LDAH: variants seen among roughly 807,000 people sequenced by gnomAD.
The protein encoded by LDAH is lipid droplet associated hydrolase.
A neutral mutation model predicts 29.6 loss-of-function variants in LDAH; 26 were observed. The observed-to-expected ratio is 0.88, with a 90% confidence interval of 0.64 to 1.22. The LOEUF is 1.22. Among genes scored for constraint, LDAH ranks in the 50% most tolerant of loss-of-function variants. The pLI is 0.00. For missense variants in LDAH, 344 were observed against 387.3 expected (o/e 0.89, Z 0.94); for synonymous variants, 117 against 133.0 (o/e 0.88, Z 0.83).
At chr2:20,765,193 G>C (rs1309236120) in intron 4 of LDAH, among the ~76,000 whole-genome samples, 1 of 152,172 alleles carries the variant, frequency 6.6e-6, no homozygotes, top group Non-Finnish European at 1.5e-5. Flanking sequence ...GTTCCTATTT[G>C]TCTTTCATTT....
intron 5 of LDAH, among the ~76,000 whole-genome samples, chr2:20,719,224 GT>G (rs61437825): frequency 0.018 from 2,310 of 130,506 alleles, 54 homozygotes; most frequent in African/African-American, 0.057. Flanking sequence ...AAATGAAAAA[GT>G]TTTTTTTTTT....
chr2:20,765,052 T>C (rs773545886), intron 4 of LDAH, among the ~76,000 whole-genome samples: 1 of 152,210 alleles, frequency 6.6e-6, no homozygotes, highest in Non-Finnish European at 1.5e-5. Context: ...ATGTAATATA[T>C]GTTCCCCCTA....
At chr2:20,819,021 G>C (rs529082373) in intron 1 of LDAH, among the ~76,000 whole-genome samples, 6 of 152,242 alleles carry the variant, frequency 3.9e-5, no homozygotes, top group African/African-American at 1.4e-4. Context: ...TCTTAAATCT[G>C]TGCAAGTGGG....
intron 6 of LDAH, among the ~76,000 whole-genome samples, chr2:20,687,746 T>C (rs1206564910): frequency 6.6e-6 from 1 of 152,230 alleles, no homozygotes; most frequent in Non-Finnish European, 1.5e-5. Context: ...AATGGATATC[T>C]ACCTAAACCT....
Position 20,740,076 on chromosome 2 carries a change from GT to G in LDAH, c.597del (p.Lys199AsnfsTer11). On this transcript the variant is annotated frameshift_variant, in exon 5 of 7. Coordinates refer to ENST00000237822, the MANE Select transcript of LDAH (RefSeq NM_021925.4). LOFTEE classifies it high-confidence loss of function. ...VLYVTGYLLLKPCPETIKSLL... is the reference protein window; with the variant it reads ...VLYVTGYLLLXPCPETIKSLL... ...AAGGACTTGATTGTCTCAGGACACG[GT>G]TTCAATAATAAGTAGCCAGTAACAT... 6.2e-7 allele frequency: 1 copy of G among 1,614,088 alleles called. No individual in the cohort carries two copies. The highest frequency in any genetic ancestry group is 1.3e-5 in the African/African-American group (1 of 75,042).
downstream of LDAH, among the ~76,000 whole-genome samples, chr2:20,682,955 A>T (rs114499240): frequency 8.2e-3 from 1,248 of 152,306 alleles, 12 homozygotes; most frequent in African/African-American, 0.028. Flanking sequence ...CCTTATCTGG[A>T]TTAGCTCTCA....
intron 4 of LDAH, among the ~76,000 whole-genome samples, chr2:20,763,027 A>C (rs1193819338): frequency 6.6e-6 from 1 of 152,238 alleles, no homozygotes; most frequent in African/African-American, 2.4e-5. Flanking sequence ...CTTAGAACTT[A>C]AAAGATTCCA....
chr2:20,761,506 G>A (rs769508606), intron 4 of LDAH, among the ~76,000 whole-genome samples: 10 of 152,180 alleles, frequency 6.6e-5, no homozygotes, highest in Non-Finnish European at 1.0e-4. Flanking sequence ...TTTTCATGCA[G>A]GAAGTGACAT....
At chr2:20,797,730 A>C (rs2125095581) in intron 2 of LDAH, among the ~76,000 whole-genome samples, 1 of 152,360 alleles carries the variant, frequency 6.6e-6, no homozygotes, top group African/African-American at 2.4e-5. Flanking sequence ...AGACTAATGC[A>C]AATGAAAAAA....
At chr2:20,796,754 T>C (rs1349292391) in intron 2 of LDAH, among the ~76,000 whole-genome samples, 1 of 152,108 alleles carries the variant, frequency 6.6e-6, no homozygotes, top group Non-Finnish European at 1.5e-5. Context: ...ACTGCATTTT[T>C]AAAGTTCTCA....
At chr2:20,702,275 A>T (rs913794340) in intron 5 of LDAH, among the ~76,000 whole-genome samples, 2 of 152,208 alleles carry the variant, frequency 1.3e-5, no homozygotes, top group Non-Finnish European at 2.9e-5. Flanking sequence ...GAAAATTTTC[A>T]TTCAATGCTT....
intron 4 of LDAH, among the ~76,000 whole-genome samples, chr2:20,745,890 T>G (rs1189966113): frequency 6.6e-6 from 1 of 152,094 alleles, no homozygotes; most frequent in Non-Finnish European, 1.5e-5. Flanking sequence ...GGTGGGATAG[T>G]TTTAAATAGG....
chr2:20,763,141 A>G (rs1165389730), intron 4 of LDAH, among the ~76,000 whole-genome samples: 2 of 152,208 alleles, frequency 1.3e-5, no homozygotes, highest in Non-Finnish European at 2.9e-5. Flanking sequence ...GAACAAGCTG[A>G]TATCAGCACA....
intron 5 of LDAH, among the ~76,000 whole-genome samples, chr2:20,702,885 G>A (rs530542804): frequency 6.6e-6 from 1 of 152,262 alleles, no homozygotes; most frequent in African/African-American, 2.4e-5. Context: ...CGGGCTGGAG[G>A]GCAATGGCAC....
At chr2:20,727,823 T>C (rs965287417) in intron 5 of LDAH, among the ~76,000 whole-genome samples, 3 of 152,156 alleles carry the variant, frequency 2.0e-5, no homozygotes, top group African/African-American at 7.2e-5. Context: ...AAAAATAACA[T>C]TTAAAATAAC....
chr2:20,779,148 A>T (rs1255267746), intron 3 of LDAH, among the ~76,000 whole-genome samples: 1 of 152,162 alleles, frequency 6.6e-6, no homozygotes, highest in Non-Finnish European at 1.5e-5. Flanking sequence ...CCCAGTCATT[A>T]CTCCAAAGCT....
chr2:20,773,918 A>C (rs1669604762), intron 4 of LDAH, among the ~76,000 whole-genome samples: 1 of 152,124 alleles, frequency 6.6e-6, no homozygotes, highest in African/African-American at 2.4e-5. Flanking sequence ...CCATGCTCCC[A>C]CACCCCCTGA....
chr2:20,786,606 T>C (rs1274286535), intron 3 of LDAH, among the ~76,000 whole-genome samples: 2 of 152,170 alleles, frequency 1.3e-5, no homozygotes, highest in Non-Finnish European at 2.9e-5. Context: ...CCTTCTTAAA[T>C]AGAGTTTGTG....
chr2:20,692,756 T>G lies in LDAH; in HGVS notation c.787-5662A>C, dbSNP rs368070454. ...AACGAGAAATCCAGCTTGATGAGCCTTTGGCACAGACTACTTTGGGTAGTC... is the reference window on the plus strand; with the variant it reads ...AACGAGAAATCCAGCTTGATGAGCCGTTGGCACAGACTACTTTGGGTAGTC... On this transcript the variant is annotated intron_variant, in intron 6 of 6. Transcript: ENST00000237822. 1.8e-4 allele frequency among the ~76,000 whole-genome samples: 27 copies of G among 152,326 alleles called. No homozygotes were observed. In the South Asian group the frequency reaches 5.4e-3, roughly 30 times the overall value.
Sources: allele counts gnomAD v4.1 joint callset (sites outside exome capture counted in the v4.1 genomes callset), GRCh38; gene constraint gnomAD v4.1.1; transcripts MANE v1.5; gene names NCBI Gene and HGNC (gene_info 2026-07-23, HGNC 2026-07-21).